Variants in ARSB observed in about 807,000 individuals in gnomAD.
ARSB encodes arylsulfatase B, also known as N-acetylgalactosamine-4-sulfatase.
Under a neutral mutation model 50.9 loss-of-function variants are expected in ARSB, and 41 were observed. That is an observed-to-expected ratio of 0.81 (90% CI 0.63 to 1.04). The LOEUF (loss-of-function observed/expected upper bound fraction) is 1.04, where lower values mean the gene tolerates loss of function less well. ARSB is among the 50% of genes least tolerant of loss of function. The pLI, the probability that ARSB is intolerant of heterozygous loss-of-function variation, is 0.00. For synonymous variants in ARSB, 269 were observed against 284.8 expected, an observed-to-expected ratio of 0.94 and a Z score of 0.56; for missense variants, 672 against 693.3, an observed-to-expected ratio of 0.97 and a Z score of 0.35.
chr5:78,864,125 C>G (rs1746588112), intron 5 of ARSB, among the ~76,000 whole-genome samples: 2 of 151,860 alleles, frequency 1.3e-5, no homozygotes, highest in South Asian at 4.2e-4. Flanking sequence ...TGGTACCCAC[C>G]CAAGGGCAGA....
chr5:78,940,876 G>GT (rs1258123053), intron 4 of ARSB, among the ~76,000 whole-genome samples: 4 of 152,262 alleles, frequency 2.6e-5, no homozygotes, highest in African/African-American at 9.6e-5. Context: ...ACCTTGGGCA[G>GT]TATGGCCATT....
chr5:78,981,282 C>T (rs1752893146), intron 1 of ARSB, among the ~76,000 whole-genome samples: 1 of 152,202 alleles, frequency 6.6e-6, no homozygotes, highest in Non-Finnish European at 1.5e-5. Flanking sequence ...CCAGTAACTA[C>T]TTACCCCATC....
At chr5:78,897,171 GGT>G (rs1748601559) in intron 4 of ARSB, among the ~76,000 whole-genome samples, 1 of 152,138 alleles carries the variant, frequency 6.6e-6, no homozygotes, top group Non-Finnish European at 1.5e-5. Context: ...ACTAGACTTA[GGT>G]TCTAGTCTCA....
chr5:78,792,301 C>G (rs1403398072), intron 6 of ARSB, among the ~76,000 whole-genome samples: 1 of 151,804 alleles, frequency 6.6e-6, no homozygotes, highest in Non-Finnish European at 1.5e-5. Context: ...AGCACTTGAA[C>G]CCAGGAGGTG....
At position 78,809,740 on chromosome 5, in the gene ARSB, C is replaced by T. The variant is rs556535203; in HGVS notation, c.1214-27766G>A. 4.6e-5 allele frequency among the ~76,000 whole-genome samples: 7 copies of T among 152,400 alleles called. No homozygotes were observed. The South Asian group carries it at 1.4e-3, about 32-fold the overall frequency. On this transcript the variant is annotated intron_variant, in intron 6 of 7. Coordinates refer to ENST00000264914, the MANE Select transcript of ARSB (RefSeq NM_000046.5). Reference sequence around the variant, plus strand: ...CTCCACTTTCCTGCTCTGAAAATCACGTCCTGGCAACCTGCCCATCGGACC... The same window carrying T: ...CTCCACTTTCCTGCTCTGAAAATCATGTCCTGGCAACCTGCCCATCGGACC...
intron 4 of ARSB, among the ~76,000 whole-genome samples, chr5:78,912,008 A>G (rs572641929): frequency 6.6e-6 from 1 of 152,372 alleles, no homozygotes; most frequent in East Asian, 1.9e-4. Flanking sequence ...ATCTCAGTAC[A>G]CAACAGTAAG....
At chr5:78,948,104 G>A (rs1751328902) in intron 4 of ARSB, among the ~76,000 whole-genome samples, 1 of 152,134 alleles carries the variant, frequency 6.6e-6, no homozygotes, top group African/African-American at 2.4e-5. Context: ...CATAGAGGTA[G>A]AGAATAGAAG....
At chr5:78,815,901 A>G in intron 6 of ARSB, 1 of 1,456,806 alleles carries the variant, frequency 6.9e-7, no homozygotes, top group Non-Finnish European at 9.0e-7. Context: ...TAAGTAAGAC[A>G]GCCTCCTGGG....
At chr5:78,864,469 C>T (rs1341523199) in intron 5 of ARSB, among the ~76,000 whole-genome samples, 1 of 152,112 alleles carries the variant, frequency 6.6e-6, no homozygotes, top group East Asian at 1.9e-4. Context: ...CAATTATCTG[C>T]CACCGGGTCC....
chr5:78,963,171 ATC>A (rs1240506083), intron 3 of ARSB, among the ~76,000 whole-genome samples: 1 of 151,784 alleles, frequency 6.6e-6, no homozygotes, highest in Admixed American at 6.6e-5. Context: ...AGAGCCTGGC[ATC>A]TCTCTCTCTC....
At chr5:78,865,133 C>T (rs1309665271) in intron 5 of ARSB, among the ~76,000 whole-genome samples, 1 of 152,240 alleles carries the variant, frequency 6.6e-6, no homozygotes, top group East Asian at 1.9e-4. Flanking sequence ...GGGGTTCTGG[C>T]CCCACATTTC....
chr5:78,800,036 G>A (rs143117209), intron 6 of ARSB, among the ~76,000 whole-genome samples: 5 of 152,276 alleles, frequency 3.3e-5, no homozygotes, highest in East Asian at 1.9e-4. Flanking sequence ...GCAAAGTAGC[G>A]GCCAGTCGCG....
intron 5 of ARSB, among the ~76,000 whole-genome samples, chr5:78,851,865 A>C (rs1745811132): frequency 6.6e-6 from 1 of 151,940 alleles, no homozygotes. Context: ...CTGTTTTATC[A>C]GAGACTAGGA....
At chr5:78,867,743 A>G (rs960151932) in intron 5 of ARSB, among the ~76,000 whole-genome samples, 12 of 151,830 alleles carry the variant, frequency 7.9e-5, no homozygotes, top group African/African-American at 2.4e-4. Context: ...GGAACTCTAA[A>G]ACGCAGAGCG....
chr5:78,918,447 T>C (rs1285783941), intron 4 of ARSB, among the ~76,000 whole-genome samples: 2 of 152,176 alleles, frequency 1.3e-5, no homozygotes, highest in African/African-American at 4.8e-5. Flanking sequence ...TATACAGAAA[T>C]GTTGCAGAAA....
chr5:78,955,527 A>T, intron 3 of ARSB, 25 bp from the exon 4 acceptor site: 2 of 1,580,164 alleles, frequency 1.3e-6, no homozygotes, highest in Non-Finnish European at 1.7e-6. Flanking sequence ...TGTGCAAACC[A>T]GTTAAGAGGA....
intron 6 of ARSB, among the ~76,000 whole-genome samples, chr5:78,785,281 T>C (rs1221146573): frequency 6.6e-6 from 1 of 152,238 alleles, no homozygotes; most frequent in Non-Finnish European, 1.5e-5. Flanking sequence ...TTTTCATTTC[T>C]AATACGGACT....
Position 78,954,878 on chromosome 5 carries a change from G to A in ARSB, c.898+417C>T, listed in dbSNP as rs546343258. Among the ~76,000 whole-genome samples the A allele has an allele frequency of 3.3e-5, 5 of 152,280 alleles. No homozygotes were observed. The South Asian group carries it at 1.0e-3, about 32-fold the overall frequency. On this transcript the variant is annotated intron_variant, in intron 4 of 7. Transcript: ENST00000264914. Reference sequence around the variant, plus strand: ...ATAGATTTAAATGGCTCCATTATTTGTCTTCATAATGTCACAATCTGTCTC... The same window carrying A: ...ATAGATTTAAATGGCTCCATTATTTATCTTCATAATGTCACAATCTGTCTC...
intron 3 of ARSB, among the ~76,000 whole-genome samples, chr5:78,961,551 C>T (rs913598197): frequency 6.6e-6 from 1 of 152,134 alleles, no homozygotes; most frequent in Admixed American, 6.5e-5. Context: ...TCCTCAGTTC[C>T]GTGTTTTCCC....
Sources: allele counts gnomAD v4.1 joint callset (sites outside exome capture counted in the v4.1 genomes callset), GRCh38; gene constraint gnomAD v4.1.1; transcripts MANE v1.5; gene names NCBI Gene and HGNC (gene_info 2026-07-23, HGNC 2026-07-21).